NXPH2: variants seen among roughly 807,000 people sequenced by gnomAD.
The protein encoded by NXPH2 is neurexophilin 2.
In NXPH2, 5 loss-of-function variants were observed where a neutral mutation model predicts 19.8. The ratio of observed to expected loss-of-function variants is 0.25; its 90% confidence interval spans 0.13 to 0.53. The LOEUF (loss-of-function observed/expected upper bound fraction) is 0.53, where lower values mean the gene tolerates loss of function less well. Among genes scored for constraint, NXPH2 ranks in the 20% least tolerant of loss-of-function variants. The probability of loss-of-function intolerance (pLI) is 0.96; values close to 1 mark genes in which losing one functional copy is unlikely to be tolerated. For synonymous variants in NXPH2, 154 were observed against 127.4 expected, an observed-to-expected ratio of 1.21 and a Z score of -1.41; for missense variants, 289 against 322.8, an observed-to-expected ratio of 0.90 and a Z score of 0.80.
At chr2:138,689,635 A>AT (rs1228867762) in intron 1 of NXPH2, among the ~76,000 whole-genome samples, 1 of 152,218 alleles carries the variant, frequency 6.6e-6, no homozygotes, top group Non-Finnish European at 1.5e-5. Context: ...CCTAAATCGC[A>AT]TAGGAAAATG....
intron 1 of NXPH2, among the ~76,000 whole-genome samples, chr2:138,723,814 C>T (rs1197119427): frequency 1.3e-5 from 2 of 152,206 alleles, no homozygotes; most frequent in African/African-American, 4.8e-5. Flanking sequence ...CCACGGATTC[C>T]AGGCTTTTTG....
At chr2:138,737,206 T>C (rs1264815947) in intron 1 of NXPH2, among the ~76,000 whole-genome samples, 1 of 152,196 alleles carries the variant, frequency 6.6e-6, no homozygotes. Flanking sequence ...TCTGTTTTCA[T>C]GCTGCTGATA....
chr2:138,679,213 T>C (rs970780063), intron 1 of NXPH2, among the ~76,000 whole-genome samples: 1 of 152,204 alleles, frequency 6.6e-6, no homozygotes, highest in African/African-American at 2.4e-5. Flanking sequence ...CCATTTAATG[T>C]AAATCATGCC....
At chr2:138,718,380 C>T (rs1681223017) in intron 1 of NXPH2, among the ~76,000 whole-genome samples, 1 of 152,098 alleles carries the variant, frequency 6.6e-6, no homozygotes, top group East Asian at 1.9e-4. Context: ...CTCAAAGAAG[C>T]AAAGATTGTC....
chr2:138,755,513 T>G (rs1681893115), intron 1 of NXPH2, among the ~76,000 whole-genome samples: 1 of 152,166 alleles, frequency 6.6e-6, no homozygotes, highest in African/African-American at 2.4e-5. Context: ...TTCTCTTTTT[T>G]GCACCATTGA....
intron 1 of NXPH2, among the ~76,000 whole-genome samples, chr2:138,682,325 A>T (rs775314881): frequency 2.0e-5 from 3 of 152,226 alleles, no homozygotes; most frequent in African/African-American, 4.8e-5. Context: ...ACAAAACAGG[A>T]ACATGCATCT....
In NXPH2 at chr2:138,744,192, T is replaced by C. The variant is rs147322043; in HGVS notation, c.51+35999A>G. On this transcript the variant is annotated intron_variant, in intron 1 of 1. Transcript: ENST00000272641. ...TCAGTAGGTATAATGTTATATGGAT[T>C]TGTCTATTACACTGTACTTTCCTTT... Among the ~76,000 whole-genome samples the C allele has an allele frequency of 4.8e-4, 73 of 152,288 alleles. 1 individual carries two copies. The highest frequency in any genetic ancestry group is 1.8e-3 in the African/African-American group (73 of 41,564).
intron 1 of NXPH2, among the ~76,000 whole-genome samples, chr2:138,755,542 CT>C (rs992755656): frequency 6.6e-6 from 1 of 151,876 alleles, no homozygotes; most frequent in East Asian, 1.9e-4. Context: ...TCTATATTTG[CT>C]TTTTTTAACC....
chr2:138,746,226 T>G (rs1218569430), intron 1 of NXPH2, among the ~76,000 whole-genome samples: 1 of 152,210 alleles, frequency 6.6e-6, no homozygotes, highest in Non-Finnish European at 1.5e-5. Flanking sequence ...CCTGGGTACC[T>G]ATGGAGACTT....
In NXPH2 at chr2:138,671,042, G is replaced by A. The variant is rs556549703; in HGVS notation, c.675C>T (p.Ser225=). 2.7e-5 allele frequency: 44 copies of A among 1,614,014 alleles called. No homozygotes were observed. The East Asian group carries it at 9.1e-4, about 34-fold the overall frequency. ...AAATGCAAATGACCTTGAAGGGCTT[G>A]GAGCACAACCAAGACACATGGCTCT... ...QTQSHVSWLC[S]KPFKVICIYI... Residue 225 remains serine, a synonymous_variant, in exon 2 of 2, where the codon TCC becomes TCT. Coordinates refer to ENST00000272641, the MANE Select transcript of NXPH2 (RefSeq NM_007226.3).
intron 1 of NXPH2, among the ~76,000 whole-genome samples, chr2:138,736,602 C>T (rs556942197): frequency 6.6e-6 from 1 of 152,260 alleles, no homozygotes; most frequent in African/African-American, 2.4e-5. Flanking sequence ...TCTGACATTC[C>T]CTGGAGACAT....
chr2:138,680,692 G>A (rs1477583151), intron 1 of NXPH2, among the ~76,000 whole-genome samples: 1 of 152,134 alleles, frequency 6.6e-6, no homozygotes, highest in Non-Finnish European at 1.5e-5. Flanking sequence ...GGCAGGGAGT[G>A]AACAGAACTA....
At chr2:138,696,288 G>C (rs1680827965) in intron 1 of NXPH2, among the ~76,000 whole-genome samples, 1 of 152,024 alleles carries the variant, frequency 6.6e-6, no homozygotes, top group African/African-American at 2.4e-5. Flanking sequence ...TAACTCAATG[G>C]AATAGAATAG....
At chr2:138,777,978 A>C (rs928502519) in intron 1 of NXPH2, among the ~76,000 whole-genome samples, 5 of 152,248 alleles carry the variant, frequency 3.3e-5, no homozygotes, top group South Asian at 2.1e-4. Context: ...GAAGTTCAAT[A>C]TCAGCTGAAA....
At chr2:138,737,634 T>C (rs916571425) in intron 1 of NXPH2, among the ~76,000 whole-genome samples, 2 of 152,240 alleles carry the variant, frequency 1.3e-5, no homozygotes, top group East Asian at 1.9e-4. Flanking sequence ...GTTTCTGGAA[T>C]GTCTCAGCCT....
At chr2:138,731,453 C>T (rs1181941690) in intron 1 of NXPH2, among the ~76,000 whole-genome samples, 1 of 152,172 alleles carries the variant, frequency 6.6e-6, no homozygotes, top group East Asian at 1.9e-4. Flanking sequence ...TAGAGAAGAA[C>T]ATAGTGGCAA....
chr2:138,730,418 G>A (rs1421862810), intron 1 of NXPH2, among the ~76,000 whole-genome samples: 1 of 152,094 alleles, frequency 6.6e-6, no homozygotes, highest in Admixed American at 6.5e-5. Context: ...AGGTCCTGGA[G>A]GTTAGGACTT....
At chr2:138,738,575 AT>A (rs1201348904) in intron 1 of NXPH2, among the ~76,000 whole-genome samples, 1 of 152,182 alleles carries the variant, frequency 6.6e-6, no homozygotes, top group Non-Finnish European at 1.5e-5. Context: ...TTCGGTATAG[AT>A]TTCCTCAATC....
At chr2:138,738,641 G>A (rs142059303) in intron 1 of NXPH2, among the ~76,000 whole-genome samples, 1 of 152,222 alleles carries the variant, frequency 6.6e-6, no homozygotes, top group East Asian at 1.9e-4. Context: ...TTACAGTCTT[G>A]TTCCTACAAC....
Sources: allele counts gnomAD v4.1 joint callset (sites outside exome capture counted in the v4.1 genomes callset), GRCh38; gene constraint gnomAD v4.1.1; transcripts MANE v1.5; gene names NCBI Gene and HGNC (gene_info 2026-07-23, HGNC 2026-07-21).